The following MAP3K4 variants were observed in gnomAD, a reference collection of about 807,000 sequenced individuals.
MAP3K4 encodes the protein MAP three kinase 1.
Under a neutral mutation model 185.6 loss-of-function variants are expected in MAP3K4, and 67 were observed. That is an observed-to-expected ratio of 0.36 (90% CI 0.30 to 0.44). MAP3K4 has a LOEUF of 0.44. MAP3K4 is among the 20% of genes least tolerant of loss of function. The pLI, the probability that MAP3K4 is intolerant of heterozygous loss-of-function variation, is 1.00. For missense variants in MAP3K4, 1,551 were observed against 1,995.1 expected, an observed-to-expected ratio of 0.78 and a Z score of 4.24; for synonymous variants, 702 against 710.4, an observed-to-expected ratio of 0.99 and a Z score of 0.19.
chr6:161,032,140 G>A (rs536476491), intron 1 of MAP3K4, among the ~76,000 whole-genome samples: 1 of 152,276 alleles, frequency 6.6e-6, no homozygotes, highest in Admixed American at 6.5e-5. Context: ...TTTTCTTAGT[G>A]TTTCCTTTAA....
In MAP3K4 at chr6:161,080,826, G is replaced by A. The variant is rs984276602; in HGVS notation, c.2098-55G>A. ...TGATGTGTAGCTTTCAGGTGAGAGC[G>A]CTGAGTTGCCAAGTTCTACTTTCAA... On this transcript the variant is annotated intron_variant, in intron 5 of 26. Coordinates refer to ENST00000392142, the MANE Select transcript of MAP3K4 (RefSeq NM_005922.4). The surrounding 1 kb of genome is among the most constrained non-coding windows in gnomAD (Gnocchi z 4.8). 2.7e-5 allele frequency: 42 copies of A among 1,528,274 alleles called. No individual in the cohort carries two copies. Among genetic ancestry groups the A allele is most frequent in the African/African-American group, 6.8e-5 (5 of 73,076 alleles). The allele number at this position is 1,528,274 out of a possible 1,614,324, so 94.7% of individuals were successfully genotyped here.
intron 3 of MAP3K4, among the ~76,000 whole-genome samples, chr6:161,060,349 CTAAT>C (rs1465419751): frequency 7.9e-5 from 12 of 152,148 alleles, no homozygotes; most frequent in East Asian, 3.9e-4. Flanking sequence ...TTATTGATGA[CTAAT>C]TAGTGTTATT....
At chr6:161,079,895 C>T (rs80204185) in intron 5 of MAP3K4, among the ~76,000 whole-genome samples, 42 of 152,296 alleles carry the variant, frequency 2.8e-4, no homozygotes, top group African/African-American at 1.0e-3. Context: ...AAAGTTATTA[C>T]TAGATCTCAG....
rs1778546856 is a variant in MAP3K4 at position 161,115,359 on chromosome 6, CA to C, written c.4806+58del. 2 of 1,494,490 alleles carry C rather than the reference CA, an allele frequency of 1.3e-6. No individual in the cohort carries two copies. Among genetic ancestry groups the C allele is most frequent in the Admixed American group, 2.1e-5 (1 of 47,834 alleles). 92.6% of individuals were successfully genotyped at this position (1,494,490 alleles called of 1,614,324 possible). On this transcript the variant is annotated intron_variant, in intron 26 of 26. Transcript: ENST00000392142. This position sits in a 1 kb window ranked among gnomAD's most constrained non-coding sequence, Gnocchi z 6.0. ...GTTTAAGTGTTTAAGTTCTGTTTTGCATCAAGACGTTAATGAAATTTTGAAA... is the reference window on the plus strand; with the variant it reads ...GTTTAAGTGTTTAAGTTCTGTTTTGCTCAAGACGTTAATGAAATTTTGAAA...
At chr6:161,095,952 A>G (rs1777548678) in intron 15 of MAP3K4, among the ~76,000 whole-genome samples, 2 of 152,128 alleles carry the variant, frequency 1.3e-5, no homozygotes, top group Non-Finnish European at 2.9e-5. Flanking sequence ...AATTTTTACT[A>G]ATTTTTGACT....
chr6:161,009,783 C>G (rs1293299628), intron 1 of MAP3K4, among the ~76,000 whole-genome samples: 1 of 152,186 alleles, frequency 6.6e-6, no homozygotes, highest in Middle Eastern at 3.4e-3. Context: ...ATTTTTAAGT[C>G]TTTGCTAGTT....
chr6:161,107,439 CT>C lies in MAP3K4; in HGVS notation c.4049-458del, dbSNP rs1778134050. 6.6e-6 allele frequency among the ~76,000 whole-genome samples: 1 copy of C among 152,304 alleles called. No individual in the cohort carries two copies. Among genetic ancestry groups the C allele is most frequent in the African/African-American group, 2.4e-5 (1 of 41,560 alleles). On this transcript the variant is annotated intron_variant, in intron 20 of 26. Coordinates refer to ENST00000392142, the MANE Select transcript of MAP3K4 (RefSeq NM_005922.4). This position sits in a 1 kb window ranked among gnomAD's most constrained non-coding sequence, Gnocchi z 6.2. ...TCAGTCTTGTCCAGGCACATATCCT[CT>C]TGCTTTAATGTCCCAGAAGGTATGT...
At chr6:161,057,382 C>T (rs1784290843) in intron 3 of MAP3K4, among the ~76,000 whole-genome samples, 1 of 152,182 alleles carries the variant, frequency 6.6e-6, no homozygotes, top group Non-Finnish European at 1.5e-5. Flanking sequence ...AGTTTAGGTA[C>T]AGTAGATAAC....
chr6:161,042,799 G>A (rs1191394983), intron 2 of MAP3K4, among the ~76,000 whole-genome samples: 1 of 152,104 alleles, frequency 6.6e-6, no homozygotes, highest in African/African-American at 2.4e-5. Flanking sequence ...GGCGATCATT[G>A]TCAGCTTCAT....
rs958467049 is a variant in MAP3K4, at chr6:161,109,742, A to G, written c.4237-13A>G. 6.2e-7 allele frequency: 1 copy of G among 1,613,968 alleles called. No homozygotes were observed. The highest frequency in any genetic ancestry group is 1.3e-5 in the African/African-American group (1 of 74,914). ...AACCGTAAACACAGAGCTGCCCTTT[A>G]TTCCTCCCACAGGAAGAAATGTACA... On this transcript the variant is annotated splice_polypyrimidine_tract_variant and intron_variant, in intron 22 of 26. Coordinates refer to ENST00000392142, the MANE Select transcript of MAP3K4 (RefSeq NM_005922.4). The surrounding 1 kb of genome is among the most constrained non-coding windows in gnomAD (Gnocchi z 5.7).
rs953961117 is a variant in MAP3K4 at position 160,996,682 on chromosome 6, G to A, written c.152+4599G>A. Among the ~76,000 whole-genome samples, 1 of 152,152 alleles carries A rather than the reference G, an allele frequency of 6.6e-6. No individual in the cohort carries two copies. Among genetic ancestry groups the A allele is most frequent in the South Asian group, 2.1e-4 (1 of 4,832 alleles). ...AGGAGATTAGCTGAAGACTCCGTAG[G>A]TCTTCATAAGCTGGCACTCCCTTGG... is the stretch of plus-strand genomic sequence containing the variant. On this transcript the variant is annotated intron_variant, in intron 1 of 26. Transcript: ENST00000392142. This position sits in a 1 kb window ranked among gnomAD's most constrained non-coding sequence, Gnocchi z 4.5.
At position 161,116,960 on chromosome 6, in the gene MAP3K4, C is replaced by G. The variant is rs906940259; in HGVS notation, c.*90C>G. ...GACTGTGCTGAGAAGCAGTATAAGC[C>G]TTTTTAACCTTCCAAGACTGAAGAC... is the stretch of plus-strand genomic sequence containing the variant. On this transcript the variant is annotated 3_prime_UTR_variant, in exon 27 of 27. Coordinates refer to ENST00000392142, the MANE Select transcript of MAP3K4 (RefSeq NM_005922.4). This position sits in a 1 kb window ranked among gnomAD's most constrained non-coding sequence, Gnocchi z 6.2. The G allele has an allele frequency of 2.4e-6, 3 of 1,231,930 alleles. No individual in the cohort carries two copies. Among genetic ancestry groups the G allele is most frequent in the Non-Finnish European group, 3.6e-6 (3 of 839,930 alleles). The allele number at this position is 1,231,930 out of a possible 1,614,324, so 76.3% of individuals were successfully genotyped here. A position where few individuals can be genotyped will look rare whatever the true frequency, so the allele number is the denominator to read the frequency against.
rs1298863046 is a variant in MAP3K4 at position 161,073,062 on chromosome 6, G to C, written c.1951-404G>C. ...CTGCTTTGTGGTAAAAAGTACCTTT[G>C]AATCTTTATTATGTTTTTGATCATT... is the stretch of plus-strand genomic sequence containing the variant. On this transcript the variant is annotated intron_variant, in intron 4 of 26. Coordinates refer to ENST00000392142, the MANE Select transcript of MAP3K4 (RefSeq NM_005922.4). This position sits in a 1 kb window ranked among gnomAD's most constrained non-coding sequence, Gnocchi z 4.2. 6.6e-6 allele frequency among the ~76,000 whole-genome samples: 1 copy of C among 151,896 alleles called. No individual in the cohort carries two copies. Among genetic ancestry groups the C allele is most frequent in the Non-Finnish European group, 1.5e-5 (1 of 67,946 alleles).
At chr6:161,069,946 T>G (rs1226211230) in intron 3 of MAP3K4, among the ~76,000 whole-genome samples, 1 of 150,698 alleles carries the variant, frequency 6.6e-6, no homozygotes, top group Non-Finnish European at 1.5e-5. Flanking sequence ...TGGGGAAAGG[T>G]GTAAGGAATT....
chr6:161,107,979 C>T lies in MAP3K4; in HGVS notation c.4119+10C>T, dbSNP rs1562546317. 1.2e-6 allele frequency: 2 copies of T among 1,613,400 alleles called. No individual in the cohort carries two copies. Among genetic ancestry groups the T allele is most frequent in the Admixed American group, 1.7e-5 (1 of 60,006 alleles). On this transcript the variant is annotated intron_variant, in intron 21 of 26. Transcript: ENST00000392142. This position sits in a 1 kb window ranked among gnomAD's most constrained non-coding sequence, Gnocchi z 6.2. Reference sequence around the variant, plus strand: ...GATGGCCATGAAAGAGGTGAGTCACCTGGCTCCGTGGGGCCTTTGGGCCTG... The same window carrying T: ...GATGGCCATGAAAGAGGTGAGTCACTTGGCTCCGTGGGGCCTTTGGGCCTG...
chr6:161,069,765 C>G (rs1784856396), intron 3 of MAP3K4, among the ~76,000 whole-genome samples: 1 of 151,934 alleles, frequency 6.6e-6, no homozygotes, highest in African/African-American at 2.4e-5. Flanking sequence ...ACTCTGATGG[C>G]AGGGAGTAGG....
At chr6:161,005,009 A>T (rs1781509757) in intron 1 of MAP3K4, among the ~76,000 whole-genome samples, 1 of 152,208 alleles carries the variant, frequency 6.6e-6, no homozygotes, top group Non-Finnish European at 1.5e-5. Context: ...TAAAAACCTT[A>T]TTTAAAACCA....
rs1184735765 is a variant in MAP3K4 at position 161,100,443 on chromosome 6, T to C, written c.3675-1449T>C. On this transcript the variant is annotated intron_variant, in intron 17 of 26. Coordinates refer to ENST00000392142, the MANE Select transcript of MAP3K4 (RefSeq NM_005922.4). The surrounding 1 kb of genome is among the most constrained non-coding windows in gnomAD (Gnocchi z 5.8). ...TTTACTTGACCTAGGAAATATCTGT[T>C]CTGGGCTTAAGTTATCTTATCATCG... Among the ~76,000 whole-genome samples, 1 of 152,236 alleles carries C rather than the reference T, an allele frequency of 6.6e-6. No individual in the cohort carries two copies. Among genetic ancestry groups the C allele is most frequent in the Non-Finnish European group, 1.5e-5 (1 of 68,046 alleles).
In MAP3K4 at chr6:161,108,004, G is replaced by T. The variant is rs1305443118; in HGVS notation, c.4119+35G>T. On this transcript the variant is annotated intron_variant, in intron 21 of 26. Transcript: ENST00000392142. This position sits in a 1 kb window ranked among gnomAD's most constrained non-coding sequence, Gnocchi z 5.7. ...CTGGCTCCGTGGGGCCTTTGGGCCT[G>T]GCGGCTCTGGGTGATAGAAATTCCG... 6 of 1,592,088 alleles carry T rather than the reference G, an allele frequency of 3.8e-6. No individual in the cohort carries two copies. The highest frequency in any genetic ancestry group is 3.4e-5 in the Admixed American group (2 of 59,490).
Sources: gnomAD v4.1 joint callset for allele counts (sites outside exome capture counted in the v4.1 genomes callset) on GRCh38, gnomAD v4.1.1 for gene constraint, Gnocchi (gnomAD v3.1) non-coding constraint, MANE v1.5 for transcripts, NCBI Gene and HGNC (gene_info 2026-07-23, HGNC 2026-07-21) for gene names.